GHR: variants seen among roughly 807,000 people sequenced by gnomAD.
GHR encodes the protein growth hormone receptor.
Under a neutral mutation model 67.1 loss-of-function variants are expected in GHR, and 35 were observed. That is an observed-to-expected ratio of 0.52 (90% confidence interval 0.40 to 0.69). The LOEUF is 0.69. Among genes scored for constraint, GHR ranks in the 30% least tolerant of loss-of-function variants. GHR has a pLI of 0.00. For synonymous variants in GHR, 272 were observed against 269.1 expected, an observed-to-expected ratio of 1.01 and a Z score of -0.10; for missense variants, 792 against 764.6, an observed-to-expected ratio of 1.04 and a Z score of -0.42.
intron 1 of GHR, among the ~76,000 whole-genome samples, chr5:42,528,528 C>G (rs1012332470): frequency 1.6e-4 from 24 of 152,080 alleles, no homozygotes; most frequent in African/African-American, 5.1e-4. Context: ...TATGGATGAA[C>G]AAAAAAATAG....
At chr5:42,567,100 C>T (rs1477237951) in intron 2 of GHR, among the ~76,000 whole-genome samples, 1 of 152,110 alleles carries the variant, frequency 6.6e-6, no homozygotes, top group African/African-American at 2.4e-5. Context: ...GCAGCTTTTC[C>T]CATGGCTGGT....
intron 2 of GHR, among the ~76,000 whole-genome samples, chr5:42,596,379 C>G (rs1261989600): frequency 2.6e-5 from 4 of 151,776 alleles, no homozygotes; most frequent in East Asian, 1.9e-4. Context: ...TAAAAAAGGA[C>G]AGTAGCCCAA....
At chr5:42,644,082 A>T (rs374578976) in intron 3 of GHR, among the ~76,000 whole-genome samples, 1 of 151,936 alleles carries the variant, frequency 6.6e-6, no homozygotes, top group African/African-American at 2.4e-5. Flanking sequence ...CTCTAATGAC[A>T]TAATAGATTT....
chr5:42,456,660 G>A (rs1270841070), intron 1 of GHR, among the ~76,000 whole-genome samples: 1 of 152,196 alleles, frequency 6.6e-6, no homozygotes, highest in Non-Finnish European at 1.5e-5. Flanking sequence ...CCTGGCTCTT[G>A]AAGGCATTGT....
rs556470653 is a variant in GHR, at chr5:42,425,079, T to C, written c.-12+1124T>C. ...AGTGTTGGGAAGTCAGAGTAGTTTC[T>C]GCATAGGATTAAGTATTAAGGGCTT... On this transcript the variant is annotated intron_variant, in intron 1 of 9. Coordinates refer to ENST00000230882, the MANE Select transcript of GHR (RefSeq NM_000163.5). The C allele has an allele frequency of 4.5e-6, 4 of 882,584 alleles. No individual in the cohort carries two copies. In the African/African-American group the frequency reaches 7.2e-5, roughly 16 times the overall value. The allele number at this position is 882,584 out of a possible 1,614,324, so 54.7% of individuals were successfully genotyped here.
In GHR at chr5:42,666,522, A is replaced by G. The variant is rs533924327; in HGVS notation, c.137-22368A>G. 2.0e-5 allele frequency among the ~76,000 whole-genome samples: 3 copies of G among 152,330 alleles called. No homozygotes were observed. In the East Asian group the frequency reaches 5.8e-4, roughly 29 times the overall value. On this transcript the variant is annotated intron_variant, in intron 3 of 9. Transcript: ENST00000230882. ...TATTAATGTTGCATTTAGGAAAAAG[A>G]TATTTTTCACTCTTTTTATTTTTAA...
chr5:42,432,191 A>G (rs943753607), intron 1 of GHR, among the ~76,000 whole-genome samples: 22 of 152,236 alleles, frequency 1.4e-4, no homozygotes, highest in African/African-American at 5.1e-4. Flanking sequence ...AACAAGTGAT[A>G]AAGTCCAAAG....
chr5:42,605,178 C>A (rs1752569370), intron 2 of GHR, among the ~76,000 whole-genome samples: 3 of 149,236 alleles, frequency 2.0e-5, no homozygotes, highest in South Asian at 4.2e-4. Context: ...CTCACCCCAA[C>A]CTCCACGTCC....
rs1034920097 is a variant in GHR, at chr5:42,424,350, A to G, written c.-12+395A>G. 4 of 587,124 alleles carry G rather than the reference A, an allele frequency of 6.8e-6. No individual in the cohort carries two copies. Among genetic ancestry groups the G allele is most frequent in the Non-Finnish European group, 9.1e-6 (3 of 328,726 alleles). 36.4% of individuals were successfully genotyped at this position (587,124 alleles called of 1,614,324 possible). A position where few individuals can be genotyped will look rare whatever the true frequency, so the allele number is the denominator to read the frequency against. Reference sequence around the variant, plus strand: ...GAGACAGTTTTGTTAAAGTCATAAAAGTTTTGCTAGTGTGTTTCTGTTTGC... The same window carrying G: ...GAGACAGTTTTGTTAAAGTCATAAAGGTTTTGCTAGTGTGTTTCTGTTTGC... On this transcript the variant is annotated intron_variant, in intron 1 of 9. Coordinates refer to ENST00000230882, the MANE Select transcript of GHR (RefSeq NM_000163.5). The surrounding 1 kb of genome is among the most constrained non-coding windows in gnomAD (Gnocchi z 4.1).
chr5:42,591,602 C>A (rs1480292032), intron 2 of GHR, among the ~76,000 whole-genome samples: 5 of 152,068 alleles, frequency 3.3e-5, no homozygotes, highest in Admixed American at 6.5e-5. Context: ...TTTTCAGCAT[C>A]TAAAAGCCTC....
chr5:42,484,320 C>T (rs958802732), intron 1 of GHR, among the ~76,000 whole-genome samples: 1 of 152,088 alleles, frequency 6.6e-6, no homozygotes, highest in Non-Finnish European at 1.5e-5. Flanking sequence ...TCATATTTAC[C>T]TTATGTAGGA....
chr5:42,547,011 G>A (rs1748766065), intron 1 of GHR, among the ~76,000 whole-genome samples: 1 of 152,196 alleles, frequency 6.6e-6, no homozygotes, highest in African/African-American at 2.4e-5. Flanking sequence ...TTTTAGAAAC[G>A]TGATTTAGAG....
chr5:42,485,499 G>T (rs1029395567), intron 1 of GHR, among the ~76,000 whole-genome samples: 2 of 152,136 alleles, frequency 1.3e-5, no homozygotes, highest in African/African-American at 4.8e-5. Flanking sequence ...CTTTACAGAT[G>T]AGAAAAATGA....
intron 1 of GHR, among the ~76,000 whole-genome samples, chr5:42,460,984 C>A (rs1744465209): frequency 6.6e-6 from 1 of 152,220 alleles, no homozygotes; most frequent in South Asian, 2.1e-4. Context: ...AGCTGCCCAA[C>A]ATCCCACCAT....
intron 1 of GHR, among the ~76,000 whole-genome samples, chr5:42,542,282 G>T (rs1352170904): frequency 6.6e-6 from 1 of 152,142 alleles, no homozygotes; most frequent in Non-Finnish European, 1.5e-5. Context: ...ATCCATTGTG[G>T]CAAGTGTTAT....
intron 1 of GHR, among the ~76,000 whole-genome samples, chr5:42,518,037 G>A (rs948150689): frequency 7.3e-5 from 11 of 151,628 alleles, no homozygotes; most frequent in African/African-American, 1.5e-4. Context: ...CTATGAGCTT[G>A]AAGTTTAGAC....
intron 2 of GHR, among the ~76,000 whole-genome samples, chr5:42,614,344 G>T (rs190626823): frequency 6.6e-6 from 1 of 151,908 alleles, no homozygotes; most frequent in African/African-American, 2.4e-5. Flanking sequence ...TGTTTGAGAA[G>T]TAGAAAAGGA....
chr5:42,544,811 C>A (rs531660036), intron 1 of GHR, among the ~76,000 whole-genome samples: 1 of 152,276 alleles, frequency 6.6e-6, no homozygotes, highest in African/African-American at 2.4e-5. Flanking sequence ...ATTGATCCTA[C>A]AACCTAAGAG....
rs549898218 is a variant in GHR at position 42,529,392 on chromosome 5, C to T, written c.-11-36472C>T. On this transcript the variant is annotated intron_variant, in intron 1 of 9. Transcript: ENST00000230882. ...AGATATTTGCTTCATTGCAGTGGTC[C>T]GGAACTGAACTGCAGTATCTTCAAG... is the stretch of plus-strand genomic sequence containing the variant. Among the ~76,000 whole-genome samples the T allele has an allele frequency of 1.1e-3, 174 of 152,118 alleles. 1 individual carries two copies. The highest frequency in any genetic ancestry group is 6.8e-3 in the Middle Eastern group (2 of 294).
Sources: allele counts gnomAD v4.1 joint callset (sites outside exome capture counted in the v4.1 genomes callset), GRCh38; gene constraint gnomAD v4.1.1; non-coding constraint Gnocchi (gnomAD v3.1); transcripts MANE v1.5; gene names NCBI Gene and HGNC (gene_info 2026-07-23, HGNC 2026-07-21).